Variants in SYNE1 observed in about 807,000 individuals in gnomAD.
SYNE1 encodes nesprin-1.
In SYNE1, 616 loss-of-function variants were observed where a neutral mutation model predicts 1,111.0. The ratio of observed to expected loss-of-function variants is 0.55; its 90% CI spans 0.52 to 0.59. SYNE1 has a LOEUF of 0.59. SYNE1 is among the 20% of genes least tolerant of loss of function. SYNE1 has a pLI of 0.00. For missense variants in SYNE1, 10,006 were observed against 10,417.0 expected (o/e 0.96, Z 1.72); for synonymous variants, 3,855 against 3,825.8 (o/e 1.01, Z -0.28).
intron 100 of SYNE1, among the ~76,000 whole-genome samples, chr6:152,263,081 G>A (rs1171967838): frequency 6.6e-6 from 1 of 151,572 alleles, no homozygotes; most frequent in Non-Finnish European, 1.5e-5. Flanking sequence ...ACCTGGGAAG[G>A]TAGTATAGGA....
intron 51 of SYNE1, among the ~76,000 whole-genome samples, chr6:152,393,904 G>A (rs1053330855): frequency 1.4e-4 from 21 of 152,142 alleles, no homozygotes; most frequent in Admixed American, 9.2e-4. Flanking sequence ...GTATACAAGT[G>A]CCATGGTGGT....
intron 2 of SYNE1, among the ~76,000 whole-genome samples, chr6:152,633,290 A>G (rs1259594823): frequency 6.6e-6 from 1 of 152,204 alleles, no homozygotes; most frequent in Admixed American, 6.5e-5. Context: ...GGAAGGAACT[A>G]AGATTATGAT....
chr6:152,529,979 G>T (rs1211575859), intron 4 of SYNE1, among the ~76,000 whole-genome samples: 2 of 152,132 alleles, frequency 1.3e-5, no homozygotes, highest in East Asian at 1.9e-4. Flanking sequence ...TATCAAGGTG[G>T]TACAGTATTG....
intron 22 of SYNE1, among the ~76,000 whole-genome samples, chr6:152,457,842 CT>C (rs2098705670): frequency 6.6e-6 from 1 of 151,354 alleles, no homozygotes; most frequent in Non-Finnish European, 1.5e-5. Flanking sequence ...CAGGTAATGC[CT>C]AAAGCTATGT....
chr6:152,286,381 ATACACGATGCAC>A (rs1165772569), intron 95 of SYNE1, among the ~76,000 whole-genome samples: 1 of 152,188 alleles, frequency 6.6e-6, no homozygotes, highest in East Asian at 1.9e-4. Context: ...AAATGGAGTC[ATACACGATGCAC>A]TGCTCTGTGT....
In SYNE1 at chr6:152,136,773, T is replaced by C. The variant is rs2057180997; in HGVS notation, c.25504A>G (p.Ile8502Val). The C allele has an allele frequency of 6.2e-7, 1 of 1,614,194 alleles. No individual in the cohort carries two copies. The highest frequency in any genetic ancestry group is 1.7e-5 in the Admixed American group (1 of 60,022). Residue 8502 changes from isoleucine to valine, a missense_variant, in exon 141 of 146, where the codon ATC (isoleucine) becomes GTC (valine). Coordinates refer to ENST00000367255, the MANE Select transcript of SYNE1 (RefSeq NM_182961.4). ...GTGAACTCAGGGCTGCAGAGATTGA[T>C]GGAGAGGATGATGGCTTTGCGGTGG... ...VDHRKAIILS[I>V]NLCSPEFTQA...
At chr6:152,141,579 A>C (rs1182959756) in intron 138 of SYNE1, among the ~76,000 whole-genome samples, 1 of 151,932 alleles carries the variant, frequency 6.6e-6, no homozygotes, top group Admixed American at 6.5e-5. Context: ...GAACATGGCA[A>C]AACTCTGTCT....
At chr6:152,397,346 C>A (rs1346136164) in intron 49 of SYNE1, among the ~76,000 whole-genome samples, 2 of 152,236 alleles carry the variant, frequency 1.3e-5, no homozygotes, top group African/African-American at 4.8e-5. Flanking sequence ...CCCTGATCCA[C>A]CCTGCATGCG....
intron 44 of SYNE1, among the ~76,000 whole-genome samples, chr6:152,407,762 C>CT (rs34322784): frequency 0.024 from 2,936 of 123,946 alleles, 59 homozygotes; most frequent in Middle Eastern, 0.056. Flanking sequence ...AAAGAATGTT[C>CT]TTTTTTTTTT....
At chr6:152,254,290 C>T (rs1285124598) in intron 104 of SYNE1, among the ~76,000 whole-genome samples, 1 of 112,260 alleles carries the variant, frequency 8.9e-6, no homozygotes, top group Non-Finnish European at 1.6e-5. Flanking sequence ...CTTGCTCTGT[C>T]ACCTAGGCTG....
intron 14 of SYNE1, among the ~76,000 whole-genome samples, chr6:152,475,100 T>C (rs181675906): frequency 6.6e-6 from 1 of 152,304 alleles, no homozygotes; most frequent in East Asian, 1.9e-4. Flanking sequence ...TTACAAAAGA[T>C]ACACCTAATC....
rs12211794 is a variant in SYNE1 at position 152,350,938 on chromosome 6, T to C, written c.11581-168A>G. On this transcript the variant is annotated intron_variant, in intron 70 of 145. Coordinates refer to ENST00000367255, the MANE Select transcript of SYNE1 (RefSeq NM_182961.4). ...AGAGAGAGTGATTTATTAAGACGAA[T>C]ACAGTTTCTAAATACAACAGCAGAG... Among the ~76,000 whole-genome samples the C allele has an allele frequency of 0.58, 88,258 of 152,050 alleles. 25,742 individuals carry two copies. The highest frequency in any genetic ancestry group is 0.62 in the East Asian group (3,224 of 5,178).
At chr6:152,403,200 G>A (rs571855121) in intron 46 of SYNE1, among the ~76,000 whole-genome samples, 1 of 152,166 alleles carries the variant, frequency 6.6e-6, no homozygotes, top group Non-Finnish European at 1.5e-5. Context: ...AGCCAGTGGG[G>A]CTGCCAGCCA....
chr6:152,220,842 G>A lies in SYNE1; in HGVS notation c.21861C>T (p.Asn7287=), dbSNP rs372155442. ...AAAACAAGGTAGCTCCTGAACATAC[G>A]TTGCAATCTTGAATCCATGTGGCAA... ...DEVATWIQDC[N]DLLKGLGTVK... Residue 7287 remains asparagine, a splice_region_variant and synonymous_variant, in exon 119 of 146, where the codon AAC becomes AAT. Transcript: ENST00000367255. 9.9e-6 allele frequency: 16 copies of A among 1,613,214 alleles called. No individual in the cohort carries two copies. Among genetic ancestry groups the A allele is most frequent in the Middle Eastern group, 1.8e-4 (1 of 5,658 alleles).
intron 100 of SYNE1, 127 bp downstream of exon 100, chr6:152,267,929 A>G: frequency 2.4e-6 from 2 of 818,158 alleles, no homozygotes; most frequent in Non-Finnish European, 2.1e-6. Context: ...TTACTACCCT[A>G]AAGTAAAAAT....
intron 55 of SYNE1, among the ~76,000 whole-genome samples, chr6:152,383,930 T>C (rs914036422): frequency 6.6e-6 from 1 of 152,210 alleles, no homozygotes; most frequent in Non-Finnish European, 1.5e-5. Context: ...CAGGTGGTAA[T>C]AGTCCTGTGG....
intron 5 of SYNE1, among the ~76,000 whole-genome samples, chr6:152,524,634 G>A (rs910025557): frequency 6.6e-6 from 1 of 152,070 alleles, no homozygotes; most frequent in East Asian, 1.9e-4. Context: ...CCAAAGCAGA[G>A]CTTGAGACAA....
intron 76 of SYNE1, chr6:152,335,170 G>T (rs1999830): frequency 0.79 from 119,826 of 152,188 alleles, 47,582 homozygotes; most frequent in African/African-American, 0.89. Flanking sequence ...CACTCCCATT[G>T]CCATTTACTC....
chr6:152,573,233 C>T (rs1181370131), intron 3 of SYNE1, among the ~76,000 whole-genome samples: 1 of 151,556 alleles, frequency 6.6e-6, no homozygotes. Context: ...GCACAACGTG[C>T]AGGTTTGTTA....
Sources: gnomAD v4.1 joint callset for allele counts (sites outside exome capture counted in the v4.1 genomes callset) on GRCh38, gnomAD v4.1.1 for gene constraint, MANE v1.5 for transcripts, NCBI Gene and HGNC (gene_info 2026-07-23, HGNC 2026-07-21) for gene names.